PPM1E: variants seen among roughly 807,000 people sequenced by gnomAD.
PPM1E encodes the protein protein phosphatase 1E.
PPM1E carries 20 observed loss-of-function variants against 65.9 expected under a neutral mutation model. The observed-to-expected ratio is 0.30, with a 90% CI of 0.21 to 0.44. The LOEUF (loss-of-function observed/expected upper bound fraction) is 0.44, where lower values mean the gene tolerates loss of function less well. Among genes scored for constraint, PPM1E ranks in the 20% least tolerant of loss-of-function variants. The pLI, the probability that PPM1E is intolerant of heterozygous loss-of-function variation, is 1.00. For synonymous variants in PPM1E, 352 were observed against 374.9 expected (o/e 0.94, Z 0.70); for missense variants, 713 against 953.1 (o/e 0.75, Z 3.32).
chr17:58,770,090 G>A (rs760410625), intron 1 of PPM1E, among the ~76,000 whole-genome samples: 3 of 152,036 alleles, frequency 2.0e-5, no homozygotes, highest in Admixed American at 1.3e-4. Context: ...ATTATCACTT[G>A]TATTCTAAAA....
intron 1 of PPM1E, among the ~76,000 whole-genome samples, chr17:58,783,285 A>G (rs2050067005): frequency 1.3e-5 from 2 of 152,256 alleles, no homozygotes; most frequent in South Asian, 2.1e-4. Flanking sequence ...AAATAAGTAT[A>G]ACTAAATATA....
intron 1 of PPM1E, among the ~76,000 whole-genome samples, chr17:58,813,785 T>C (rs970502091): frequency 1.3e-5 from 2 of 152,148 alleles, no homozygotes; most frequent in African/African-American, 4.8e-5. Flanking sequence ...TTTGGAAGAG[T>C]TTCTGGCTTT....
chr17:58,935,030 A>G (rs1344366709), intron 1 of PPM1E, among the ~76,000 whole-genome samples: 3 of 151,752 alleles, frequency 2.0e-5, no homozygotes, highest in African/African-American at 7.3e-5. Flanking sequence ...AGACGGGCAG[A>G]TCACAAGGTC....
At chr17:58,932,353 C>A (rs2051912220) in intron 1 of PPM1E, among the ~76,000 whole-genome samples, 1 of 151,996 alleles carries the variant, frequency 6.6e-6, no homozygotes, top group South Asian at 2.1e-4. Context: ...CCTGTAATCC[C>A]AGCTACTCAG....
chr17:58,796,273 G>A (rs1236388384), intron 1 of PPM1E, among the ~76,000 whole-genome samples: 1 of 152,098 alleles, frequency 6.6e-6, no homozygotes, highest in East Asian at 1.9e-4. Context: ...TCGAATTCCT[G>A]GCCTCCCATG....
At position 58,756,421 on chromosome 17, in the gene PPM1E, G is replaced by A; in HGVS notation, c.424G>A (p.Gly142Ser). Residue 142 changes from glycine to serine, a missense_variant, in exon 1 of 7, where the codon GGC becomes AGC. Gly to Ser is a moderately conservative substitution (Grantham distance 56). Around this residue, in one of 6 missense-constraint regions of PPM1E, gnomAD observed 84 missense variants for 113.9 expected, o/e 0.74. Transcript: ENST00000308249. ...SERITREEVE[G>S]ESLDLCLQQL... ...GCGCATCACCCGCGAGGAGGTGGAG[G>A]GCGAAAGCCTGGACCTGTGCCTGCA... The A allele has an allele frequency of 7.4e-7, 1 of 1,354,874 alleles. No individual in the cohort carries two copies. The highest frequency in any genetic ancestry group is 9.5e-7 in the Non-Finnish European group (1 of 1,056,752). 83.9% of individuals were successfully genotyped at this position (1,354,874 alleles called of 1,614,324 possible).
At chr17:58,818,179 A>G (rs941135989) in intron 1 of PPM1E, among the ~76,000 whole-genome samples, 12 of 152,032 alleles carry the variant, frequency 7.9e-5, no homozygotes, top group African/African-American at 2.4e-4. Flanking sequence ...TATTTACTGT[A>G]TGCCAGACCC....
chr17:58,953,146 T>A (rs891194836), intron 1 of PPM1E, among the ~76,000 whole-genome samples: 2 of 152,188 alleles, frequency 1.3e-5, no homozygotes, highest in Non-Finnish European at 2.9e-5. Context: ...AGGAGGCACA[T>A]AGAGATCACT....
chr17:58,890,640 TACAC>T (rs2051333298), intron 1 of PPM1E, among the ~76,000 whole-genome samples: 1 of 152,114 alleles, frequency 6.6e-6, no homozygotes, highest in African/African-American at 2.4e-5. Flanking sequence ...TATATAAACA[TACAC>T]ACATATATAT....
intron 1 of PPM1E, among the ~76,000 whole-genome samples, chr17:58,799,511 T>G (rs553834371): frequency 6.6e-6 from 1 of 152,224 alleles, no homozygotes; most frequent in Admixed American, 6.5e-5. Flanking sequence ...GGCACGATCT[T>G]GGCTCACTGC....
intron 6 of PPM1E, among the ~76,000 whole-genome samples, chr17:58,979,085 T>G (rs1425341605): frequency 6.6e-6 from 1 of 152,214 alleles, no homozygotes; most frequent in Non-Finnish European, 1.5e-5. Flanking sequence ...GATGTCATTC[T>G]GTGAGAGGAC....
chr17:58,927,122 CTTTTTTT>C (rs533990179), intron 1 of PPM1E, among the ~76,000 whole-genome samples: 1 of 124,630 alleles, frequency 8.0e-6, no homozygotes, highest in Non-Finnish European at 1.7e-5. Flanking sequence ...GACTTTTAAA[CTTTTTTT>C]TTTTTTTTTT....
chr17:58,893,747 T>G (rs751672016), intron 1 of PPM1E, among the ~76,000 whole-genome samples: 1 of 152,068 alleles, frequency 6.6e-6, no homozygotes, highest in Non-Finnish European at 1.5e-5. Flanking sequence ...ACTTTATGCT[T>G]AATTTTGCTG....
At chr17:58,936,407 G>T (rs563738743) in intron 1 of PPM1E, among the ~76,000 whole-genome samples, 60 of 152,176 alleles carry the variant, frequency 3.9e-4, no homozygotes, top group African/African-American at 1.3e-3. Flanking sequence ...ATAATATGTG[G>T]GCTGAGATGA....
chr17:58,949,423 G>A (rs1184259905), intron 1 of PPM1E, among the ~76,000 whole-genome samples: 8 of 152,102 alleles, frequency 5.3e-5, no homozygotes, highest in Non-Finnish European at 8.8e-5. Context: ...ACAGCATATA[G>A]TTGGGTCTTG....
intron 1 of PPM1E, among the ~76,000 whole-genome samples, chr17:58,948,600 A>T (rs2052195212): frequency 1.3e-5 from 2 of 152,222 alleles, no homozygotes; most frequent in African/African-American, 2.4e-5. Context: ...CTGGAGCCTT[A>T]TGGTCACAGA....
intron 1 of PPM1E, among the ~76,000 whole-genome samples, chr17:58,950,012 T>A (rs1420312676): frequency 6.6e-6 from 1 of 152,234 alleles, no homozygotes; most frequent in Admixed American, 6.5e-5. Flanking sequence ...TATGACTTGA[T>A]GCTTTTCTTT....
chr17:58,973,667 C>T (rs2030797032), intron 6 of PPM1E, among the ~76,000 whole-genome samples: 1 of 150,150 alleles, frequency 6.7e-6, no homozygotes, highest in Non-Finnish European at 1.5e-5. Flanking sequence ...ACAAAAAAAA[C>T]AAAGGCCGGG....
At position 58,829,136 on chromosome 17, in the gene PPM1E, G is replaced by A. The variant is rs540518835; in HGVS notation, c.464+72675G>A. Among the ~76,000 whole-genome samples, 22 of 151,670 alleles carry A rather than the reference G, an allele frequency of 1.5e-4. No homozygotes were observed. In the East Asian group the frequency reaches 2.7e-3, roughly 19 times the overall value. ...CAGCTCACTGCAACCTCCGCCTCCC[G>A]GGTTCAAGCGATTCTCCTGCCTCAG... On this transcript the variant is annotated intron_variant, in intron 1 of 6. Transcript: ENST00000308249.
Sources: allele counts gnomAD v4.1 joint callset (sites outside exome capture counted in the v4.1 genomes callset), GRCh38; gene constraint gnomAD v4.1.1; regional missense constraint gnomAD v4.1.1; transcripts MANE v1.5; gene names NCBI Gene and HGNC (gene_info 2026-07-23, HGNC 2026-07-21).